The following SERINC4 variants were observed in gnomAD, a reference collection of about 807,000 sequenced individuals.
SERINC4 encodes serine incorporator 4.
A neutral mutation model predicts 52.0 loss-of-function variants in SERINC4; 52 were observed. That is an observed-to-expected ratio of 1.00 (90% CI 0.80 to 1.26). The LOEUF is 1.26. SERINC4 is among the 50% of genes most tolerant of loss of function. SERINC4 has a pLI of 0.00. For missense variants in SERINC4, 723 were observed against 632.8 expected, an observed-to-expected ratio of 1.14 and a Z score of -1.53; for synonymous variants, 264 against 247.7, an observed-to-expected ratio of 1.07 and a Z score of -0.62.
chr15:43,800,019 G>T lies in SERINC4; in HGVS notation c.-33C>A. On this transcript the variant is annotated 5_prime_UTR_variant, in exon 1 of 12. In the 5' UTR this introduces an upstream ATG that the reference lacks. Coordinates refer to ENST00000319327, the MANE Select transcript of SERINC4 (RefSeq NM_001258031.2). ...CCAGGGATTAGGCTTAGGTCCACCA[G>T]ATGGAAGGCAGATGAGAGCAGCAGT... 1 of 1,445,392 alleles carries T rather than the reference G, an allele frequency of 6.9e-7. No homozygotes were observed. The highest frequency in any genetic ancestry group is 9.2e-7 in the Non-Finnish European group (1 of 1,083,178). The allele number at this position is 1,445,392 out of a possible 1,614,324, so 89.5% of individuals were successfully genotyped here.
Position 43,794,990 on chromosome 15 carries a change from T to G in SERINC4, c.*10A>C. 1 of 1,599,612 alleles carries G rather than the reference T, an allele frequency of 6.3e-7. No individual in the cohort carries two copies. The highest frequency in any genetic ancestry group is 1.1e-5 in the South Asian group (1 of 90,320). ...ACAATGTCAGGGGAACCCCAGTTTG[T>G]GAAAAGGACTTAGACTGGAGGATAT... On this transcript the variant is annotated 3_prime_UTR_variant, in exon 12 of 12. Transcript: ENST00000319327.
rs1409366742 is a variant in SERINC4 at position 43,795,530 on chromosome 15, C to T, written c.1201G>A (p.Gly401Arg). Residue 401 changes from glycine (G) to arginine (R), a missense_variant, in exon 11 of 12, where the codon GGG becomes AGG. Coordinates refer to ENST00000319327, the MANE Select transcript of SERINC4 (RefSeq NM_001258031.2). ...TCTTGGTCAGCTGGCCTCGCAGCCC[C>T]ACCCCTTTGCCCTGGAGAGAGGAAA... ...TVEADKGQRG[G>R]AARPADQETP... The T allele has an allele frequency of 6.2e-7, 1 of 1,614,188 alleles. No individual in the cohort carries two copies.
chr15:43,798,943 G>C lies in SERINC4; in HGVS notation c.458+16C>G, dbSNP rs772438884. On this transcript the variant is annotated intron_variant, in intron 3 of 11. Coordinates refer to ENST00000319327, the MANE Select transcript of SERINC4 (RefSeq NM_001258031.2). ...CCCTCCTCTGTCCCCTCCCCACCCA[G>C]AAAGTACACACAAACCTATTATGCA... The C allele has an allele frequency of 7.1e-6, 11 of 1,550,342 alleles. 1 individual carries two copies. The South Asian group carries it at 1.1e-4, about 15-fold the overall frequency.
chr15:43,796,828 C>T lies in SERINC4; in HGVS notation c.940+17G>A, dbSNP rs1567171533. On this transcript the variant is annotated intron_variant, in intron 7 of 11. Transcript: ENST00000319327. ...AAAAAAGGTCTTAGCATGGAGAATC[C>T]AGGTCCTGTCCCTTACCTCTCTCTG... is the stretch of plus-strand genomic sequence containing the variant. The T allele has an allele frequency of 6.2e-7, 1 of 1,613,496 alleles. No homozygotes were observed. The highest frequency in any genetic ancestry group is 8.5e-7 in the Non-Finnish European group (1 of 1,179,504).
chr15:43,799,034 G>T lies in SERINC4; in HGVS notation c.383C>A (p.Thr128Asn), dbSNP rs1432180864. ...AVYRVCAGTA[T>N]FHLLQAVLLV... is the part of the protein sequence containing the mutation. ...CAACACAGCCTGCAGCAGGTGGAAG[G>T]TGGCGGTTCCTGCACATACTCGGTA... The change falls in exon 3 of 12, where the codon ACC becomes AAC. Residue 128 changes from threonine (T) to asparagine (N), a missense_variant. Transcript: ENST00000319327. 1 of 1,550,534 alleles carries T rather than the reference G, an allele frequency of 6.4e-7. No homozygotes were observed. The highest frequency in any genetic ancestry group is 2.0e-5 in the Admixed American group (1 of 50,992).
At chr15:43,798,715 T>G (rs959495685) in intron 3 of SERINC4, 5 of 623,644 alleles carry the variant, frequency 8.0e-6, no homozygotes, top group Non-Finnish European at 1.4e-5. Context: ...TAATAGCATC[T>G]GGGCAATGTT....
At position 43,795,713 on chromosome 15, in the gene SERINC4, G is replaced by T; in HGVS notation, c.1164C>A (p.Cys388Ter). The change falls in exon 10 of 12, where the codon TGC (cysteine) becomes TGA (stop). Residue 388 changes from cysteine to a stop codon, truncating the protein, a stop_gained. Transcript: ENST00000319327. LOFTEE classifies it high-confidence loss of function. ...CTTTGTCTGCCTCCACTGTTTCAGG[G>T]CAGCAGAAACACAGTGAGGGCTTCT... ...EFQKPSLCFC[C>*]PETVEADKGQ... 6.2e-7 allele frequency: 1 copy of T among 1,614,044 alleles called. No homozygotes were observed. The highest frequency in any genetic ancestry group is 8.5e-7 in the Non-Finnish European group (1 of 1,179,942).
intron 9 of SERINC4, 44 bp from the exon 10 acceptor site, chr15:43,795,780 GAGGGTGTTAATCT>G: frequency 1.3e-6 from 2 of 1,594,872 alleles, no homozygotes; most frequent in South Asian, 2.2e-5. Context: ...TAAAAGATGT[GAGGGTGTTAATCT>G]AGGAAACTTC....
Position 43,800,086 on chromosome 15 carries a change from C to G in SERINC4, c.-100G>C, listed in dbSNP as rs370677431. 10 of 899,646 alleles carry G rather than the reference C, an allele frequency of 1.1e-5. No individual in the cohort carries two copies. The highest frequency in any genetic ancestry group is 8.0e-5 in the East Asian group (3 of 37,424). The allele number at this position is 899,646 out of a possible 1,614,324, so 55.7% of individuals were successfully genotyped here. A position where few individuals can be genotyped will look rare whatever the true frequency, so the allele number is the denominator to read the frequency against. On this transcript the variant is annotated 5_prime_UTR_variant, in exon 1 of 12. Coordinates refer to ENST00000319327, the MANE Select transcript of SERINC4 (RefSeq NM_001258031.2). Reference sequence around the variant, plus strand: ...CCATTGGACTGCCACTGTGTTGGGGCTGAGCACCCGGTCCCGGGCAGAATG... The same window carrying G: ...CCATTGGACTGCCACTGTGTTGGGGGTGAGCACCCGGTCCCGGGCAGAATG...
At chr15:43,795,365 A>G in intron 11 of SERINC4, 23 bp downstream of exon 11, 1 of 1,613,530 alleles carries the variant, frequency 6.2e-7, no homozygotes, top group Non-Finnish European at 8.5e-7. Context: ...TCAGGAGAGT[A>G]TCTAAGGCCC....
Position 43,795,082 on chromosome 15 carries a change from G to A in SERINC4, c.1475C>T (p.Pro492Leu), listed in dbSNP as rs1427182752. 6.2e-7 allele frequency: 1 copy of A among 1,613,700 alleles called. No homozygotes were observed. The highest frequency in any genetic ancestry group is 8.5e-7 in the Non-Finnish European group (1 of 1,179,978). ...GLLLAPLCWP[P>L]TQKPQPLILR... Reference sequence around the variant, plus strand: ...GATAAGGGGCTGGGGTTTCTGGGTGGGGGGCCAACAGAGTGGTGCCAGTAA... The same window carrying A: ...GATAAGGGGCTGGGGTTTCTGGGTGAGGGGCCAACAGAGTGGTGCCAGTAA... The change falls in exon 12 of 12, where the codon CCC becomes CTC. Residue 492 changes from proline to leucine, a missense_variant. Coordinates refer to ENST00000319327, the MANE Select transcript of SERINC4 (RefSeq NM_001258031.2).
Position 43,794,825 on chromosome 15 carries a change from T to A in SERINC4, c.*175A>T. On this transcript the variant is annotated 3_prime_UTR_variant, in exon 12 of 12. Transcript: ENST00000319327. ...ACAGTAGCTCCAGTGAGTCAGACAC[T>A]CTGCCCAGCACATTAGACTGTGTTT... is the stretch of plus-strand genomic sequence containing the variant. 1.7e-6 allele frequency: 1 copy of A among 588,542 alleles called. No individual in the cohort carries two copies. The highest frequency in any genetic ancestry group is 2.8e-5 in the East Asian group (1 of 36,296). The allele number at this position is 588,542 out of a possible 1,614,324, so 36.5% of individuals were successfully genotyped here.
Position 43,795,547 on chromosome 15 carries a change from G to T in SERINC4, c.1190-6C>A. On this transcript the variant is annotated splice_polypyrimidine_tract_variant and splice_region_variant and intron_variant, in intron 10 of 11. Coordinates refer to ENST00000319327, the MANE Select transcript of SERINC4 (RefSeq NM_001258031.2). ...CGCAGCCCCACCCCTTTGCCCTGGA[G>T]AGAGGAAATGGCTGCTGGGAGCAGA... The T allele has an allele frequency of 6.2e-7, 1 of 1,614,140 alleles. No individual in the cohort carries two copies. The highest frequency in any genetic ancestry group is 8.5e-7 in the Non-Finnish European group (1 of 1,180,016).
At chr15:43,798,722 T>C (rs989572241) in intron 3 of SERINC4, 1 of 624,292 alleles carries the variant, frequency 1.6e-6, no homozygotes, top group African/African-American at 1.8e-5. Flanking sequence ...ATCTGGGCAA[T>C]GTTTTACAGT....
chr15:43,799,259 G>T (rs1460376275), intron 2 of SERINC4, 51 bp downstream of exon 2: 1 of 1,530,528 alleles, frequency 6.5e-7, no homozygotes, highest in Non-Finnish European at 8.8e-7. Context: ...CTATCTTAGG[G>T]TTTTTCCTTT....
chr15:43,797,419 G>A, intron 5 of SERINC4, 63 bp from the exon 6 acceptor site: 1 of 1,266,990 alleles, frequency 7.9e-7, no homozygotes, highest in Non-Finnish European at 1.1e-6. Flanking sequence ...TGAGTTGGGA[G>A]TCTTGCTCTG....
Position 43,799,096 on chromosome 15 carries a change from G to C in SERINC4, c.321C>G (p.Leu107=). ...AGCCACTGAGCACTGGACAGTCAGAGAGGCCAAACAGGTGGGCACACAACC... is the reference window on the plus strand; with the variant it reads ...AGCCACTGAGCACTGGACAGTCAGACAGGCCAAACAGGTGGGCACACAACC... ...PSGLCAHLFG[L]SDCPVLSGSG... Residue 107 remains leucine, a synonymous_variant, in exon 3 of 12, where the codon CTC becomes CTG. Coordinates refer to ENST00000319327, the MANE Select transcript of SERINC4 (RefSeq NM_001258031.2). 6.5e-7 allele frequency: 1 copy of C among 1,550,370 alleles called. No individual in the cohort carries two copies. Among genetic ancestry groups the C allele is most frequent in the Non-Finnish European group, 8.7e-7 (1 of 1,146,814 alleles).
rs117143230 is a variant in SERINC4 at position 43,796,207 on chromosome 15, G to T, written c.1088C>A (p.Ala363Asp). The change falls in exon 9 of 12, where the codon GCT (alanine) becomes GAT (aspartate). Residue 363 changes from alanine to aspartate, a missense_variant. Ala to Asp is a moderately radical substitution (Grantham distance 126). Transcript: ENST00000319327. ...LFACNEASYL[A>D]EVFGPLWIVK... ...AATCCACAGGGGTCCAAATACCTCA[G>T]CCAGGTAGGAGGCCTCATTGCTGAG... 5.7e-3 allele frequency: 9,239 copies of T among 1,613,592 alleles called. 40 individuals are homozygous for T. The highest frequency in any genetic ancestry group is 7.4e-3 in the Non-Finnish European group (8,713 of 1,179,474).
chr15:43,799,342 C>T lies in SERINC4; in HGVS notation c.247G>A (p.Val83Ile). 1.3e-6 allele frequency: 2 copies of T among 1,551,152 alleles called. No homozygotes were observed. Among genetic ancestry groups the T allele is most frequent in the Non-Finnish European group, 1.7e-6 (2 of 1,147,108 alleles). Residue 83 changes from valine to isoleucine, a missense_variant, in exon 2 of 12, where the codon GTA becomes ATA. Val to Ile is a conservative substitution (Grantham distance 29). Coordinates refer to ENST00000319327, the MANE Select transcript of SERINC4 (RefSeq NM_001258031.2). ...GTCTTGCCCCACACCCTTTCCACTACTGTCCTTGACAGCAGGAGGCAGCAG... is the reference window on the plus strand; with the variant it reads ...GTCTTGCCCCACACCCTTTCCACTATTGTCCTTGACAGCAGGAGGCAGCAG... Reference protein sequence around the residue: ...AICCLLLSRTVVERVWGKTHR... With the variant: ...AICCLLLSRTIVERVWGKTHR...
Sources: gnomAD v4.1 joint callset for allele counts on GRCh38, gnomAD v4.1.1 for gene constraint, MANE v1.5 for transcripts, NCBI Gene and HGNC (gene_info 2026-07-23, HGNC 2026-07-21) for gene names.